The following ST7 variants were observed in gnomAD, a reference collection of about 807,000 sequenced individuals.
ST7 encodes the protein suppression of tumorigenicity 7.
A neutral mutation model predicts 78.7 loss-of-function variants in ST7; 28 were observed. The ratio of observed to expected loss-of-function variants is 0.36; its 90% confidence interval spans 0.26 to 0.49. ST7 has a LOEUF of 0.49. Ranked by LOEUF, ST7 falls within the 20% of genes least tolerant of loss-of-function variation. The pLI is 0.99. For missense variants in ST7, 418 were observed against 696.0 expected, an observed-to-expected ratio of 0.60 and a Z score of 4.49; for synonymous variants, 247 against 249.6, an observed-to-expected ratio of 0.99 and a Z score of 0.10.
rs577106242 is a variant in ST7 at position 117,050,363 on chromosome 7, C to G, written c.152-49399C>G. Among the ~76,000 whole-genome samples, 75 of 152,304 alleles carry G rather than the reference C, an allele frequency of 4.9e-4. 2 individuals are homozygous for G. The South Asian group carries it at 0.014, about 28-fold the overall frequency. ...TTTAAGCCAATCCTCCAAACAAACT[C>G]ATCTCAATAGCAACAGAAGTGGCTA... On this transcript the variant is annotated intron_variant, in intron 1 of 15. Coordinates refer to ENST00000323984, the MANE Select transcript of ST7 (RefSeq NM_001369598.1).
At chr7:117,160,744 C>A (rs1584493284) in intron 9 of ST7, among the ~76,000 whole-genome samples, 1 of 151,692 alleles carries the variant, frequency 6.6e-6, no homozygotes, top group South Asian at 2.1e-4. Flanking sequence ...AGAGAAGAAG[C>A]AAGAAGGAAT....
intron 1 of ST7, among the ~76,000 whole-genome samples, chr7:117,058,403 T>C (rs1798176254): frequency 6.6e-6 from 1 of 152,190 alleles, no homozygotes; most frequent in African/African-American, 2.4e-5. Flanking sequence ...ACTTCAAATA[T>C]GTTCTATTTA....
At chr7:117,131,775 A>G (rs1191342479) in intron 5 of ST7, 110 bp from the exon 6 acceptor site, 1 of 972,558 alleles carries the variant, frequency 1.0e-6, no homozygotes, top group African/African-American at 1.6e-5. Context: ...TAGCAATGAA[A>G]TATGTTCTTG....
intron 2 of ST7, among the ~76,000 whole-genome samples, chr7:117,107,213 G>T (rs1802048106): frequency 6.6e-6 from 1 of 152,090 alleles, no homozygotes; most frequent in Non-Finnish European, 1.5e-5. Flanking sequence ...ATTGCAAATT[G>T]TGCTGCTATA....
intron 1 of ST7, among the ~76,000 whole-genome samples, chr7:117,079,153 TAAACAATAGAGTA>T (rs1384703583): frequency 1.3e-5 from 2 of 152,208 alleles, no homozygotes; most frequent in African/African-American, 4.8e-5. Context: ...CATTACTCCC[TAAACAATAGAGTA>T]AAACAATAGA....
chr7:117,092,274 G>C (rs1049100425), intron 1 of ST7, among the ~76,000 whole-genome samples: 2 of 78,380 alleles, frequency 2.6e-5, no homozygotes, highest in African/African-American at 1.1e-4. Context: ...GTGAGACTCC[G>C]TCTCAAAAAA....
intron 10 of ST7, among the ~76,000 whole-genome samples, chr7:117,185,980 C>T (rs1374569426): frequency 6.6e-6 from 1 of 152,086 alleles, no homozygotes; most frequent in African/African-American, 2.4e-5. Flanking sequence ...AAGAGATTAA[C>T]AATAACTAAT....
chr7:117,142,056 C>G (rs962228400), intron 9 of ST7, among the ~76,000 whole-genome samples: 1 of 152,102 alleles, frequency 6.6e-6, no homozygotes. Context: ...GGTCTTTCTG[C>G]TTGCTCTCAT....
At chr7:116,953,753 A>G in intron 1 of ST7, 62 bp downstream of exon 1, 1 of 1,237,880 alleles carries the variant, frequency 8.1e-7, no homozygotes, top group Non-Finnish European at 1.0e-6. Flanking sequence ...AGTTAGTGCA[A>G]CTCGCGCGGG....
intron 1 of ST7, among the ~76,000 whole-genome samples, chr7:117,027,212 G>C (rs562249880): frequency 4.5e-4 from 69 of 152,320 alleles, no homozygotes; most frequent in African/African-American, 1.6e-3. Flanking sequence ...GGGAGGCCAA[G>C]GCAGGTGGAT....
In ST7 at chr7:117,062,085, T is replaced by C. The variant is rs1798385973; in HGVS notation, c.152-37677T>C. On this transcript the variant is annotated intron_variant, in intron 1 of 15. Transcript: ENST00000323984. ...TTCTGGCTTGCAGAAGGCCACTTTC[T>C]TGCAGTGTCTTCACAGGGTGAGGGG... Among the ~76,000 whole-genome samples the C allele has an allele frequency of 2.0e-5, 3 of 152,220 alleles. No individual in the cohort carries two copies. In the South Asian group the frequency reaches 6.2e-4, roughly 32 times the overall value.
At chr7:117,061,419 T>C (rs765734541) in intron 1 of ST7, among the ~76,000 whole-genome samples, 39 of 152,154 alleles carry the variant, frequency 2.6e-4, no homozygotes, top group Non-Finnish European at 4.0e-4. Flanking sequence ...ACACTTTTGA[T>C]TGGGGTAGGG....
intron 1 of ST7, among the ~76,000 whole-genome samples, chr7:116,986,284 G>C (rs1198841008): frequency 6.6e-6 from 1 of 152,200 alleles, no homozygotes; most frequent in Non-Finnish European, 1.5e-5. Flanking sequence ...GGTGAATTGA[G>C]AGTTGAGGGG....
intron 1 of ST7, among the ~76,000 whole-genome samples, chr7:117,094,645 C>T (rs1800886220): frequency 6.6e-6 from 1 of 152,170 alleles, no homozygotes; most frequent in Admixed American, 6.5e-5. Context: ...AGCCTCAGAG[C>T]AGTTCTGGGA....
chr7:116,972,356 C>A, intron 1 of ST7: 1 of 626,124 alleles, frequency 1.6e-6, no homozygotes, highest in South Asian at 1.7e-5. Context: ...ATCTCTTTCT[C>A]ATATTTGTCT....
intron 9 of ST7, among the ~76,000 whole-genome samples, chr7:117,143,182 C>G (rs1177676114): frequency 2.0e-5 from 3 of 152,078 alleles, no homozygotes; most frequent in Admixed American, 2.0e-4. Context: ...GCTTCATTTC[C>G]CTAAAATCTA....
chr7:117,028,124 CA>C (rs952603576), intron 1 of ST7, among the ~76,000 whole-genome samples: 63 of 152,084 alleles, frequency 4.1e-4, no homozygotes, highest in African/African-American at 1.4e-3. Flanking sequence ...TTACTAAGCC[CA>C]AATTTGTTAG....
At chr7:117,074,791 C>T (rs1799226482) in intron 1 of ST7, 1 of 152,184 alleles carries the variant, frequency 6.6e-6, no homozygotes, top group South Asian at 2.1e-4. Context: ...ATGTGATTGG[C>T]TTCTCCTAAG....
chr7:116,973,384 AGT>A (rs1203455849), intron 1 of ST7, among the ~76,000 whole-genome samples: 5 of 152,098 alleles, frequency 3.3e-5, no homozygotes, highest in Non-Finnish European at 5.9e-5. Context: ...CAGCCTCCCG[AGT>A]AGCTGGGACT....
Sources: gnomAD v4.1 joint callset for allele counts (sites outside exome capture counted in the v4.1 genomes callset) on GRCh38, gnomAD v4.1.1 for gene constraint, MANE v1.5 for transcripts, NCBI Gene and HGNC (gene_info 2026-07-23, HGNC 2026-07-21) for gene names.